The following NAP1L1 variants were observed in gnomAD, a reference collection of about 807,000 sequenced individuals.
NAP1L1 encodes the protein nucleosome assembly protein 1-like 1.
Under a neutral mutation model 58.9 loss-of-function variants are expected in NAP1L1, and 9 were observed. The observed-to-expected ratio is 0.15, with a 90% CI of 0.09 to 0.27. The LOEUF is 0.27. Among genes scored for constraint, NAP1L1 ranks in the 10% least tolerant of loss-of-function variants. The pLI is 1.00. For missense variants in NAP1L1, 302 were observed against 458.8 expected, an observed-to-expected ratio of 0.66 and a Z score of 3.12; for synonymous variants, 130 against 138.3, an observed-to-expected ratio of 0.94 and a Z score of 0.42.
chr12:76,057,098 T>C (rs1399363821), intron 6 of NAP1L1: 1 of 186,458 alleles, frequency 5.4e-6, no homozygotes, highest in Non-Finnish European at 1.1e-5. Context: ...GCCAGGAGTC[T>C]AAGACCAGCC....
chr12:76,078,600 G>A (rs1473122877), intron 1 of NAP1L1, among the ~76,000 whole-genome samples: 1 of 152,180 alleles, frequency 6.6e-6, no homozygotes, highest in Middle Eastern at 3.2e-3. Flanking sequence ...TGTCTGCAAG[G>A]AAGTCATCTA....
chr12:76,048,677 G>A (rs1206239789), intron 14 of NAP1L1, among the ~76,000 whole-genome samples: 4 of 152,008 alleles, frequency 2.6e-5, no homozygotes, highest in Non-Finnish European at 5.9e-5. Flanking sequence ...TCCATAAAAT[G>A]TGACACACGC....
At chr12:76,076,590 A>ATATC (rs1555186512) in intron 1 of NAP1L1, among the ~76,000 whole-genome samples, 8 of 137,978 alleles carry the variant, frequency 5.8e-5, no homozygotes, top group African/African-American at 2.3e-4. Flanking sequence ...ATATATATAT[A>ATATC]TATCTCCACT....
intron 5 of NAP1L1, 52 bp from the exon 6 acceptor site, chr12:76,059,930 A>G (rs369584252): frequency 2.8e-6 from 4 of 1,404,914 alleles, no homozygotes; most frequent in Non-Finnish European, 3.9e-6. Context: ...CATCCAAGCT[A>G]AAACCAGTGG....
Position 76,039,226 on chromosome 12 carries a change from G to A in NAP1L1, c.*9203C>T, listed in dbSNP as rs946356493. 1.3e-5 allele frequency: 2 copies of A among 152,166 alleles called. No individual in the cohort carries two copies. The highest frequency in any genetic ancestry group is 4.8e-5 in the African/African-American group (2 of 41,438). The allele number at this position is 152,166 out of a possible 1,614,324, so 9.4% of individuals were successfully genotyped here. Reference sequence around the variant, plus strand: ...TATTTACTATCCTACTTTTAGCACTGTGAGCATAAACCATAGGTTCTTCTT... The same window carrying A: ...TATTTACTATCCTACTTTTAGCACTATGAGCATAAACCATAGGTTCTTCTT... On this transcript the variant is annotated 3_prime_UTR_variant, in exon 15 of 15. Transcript: ENST00000618691.
intron 8 of NAP1L1, 107 bp downstream of exon 8, chr12:76,054,912 A>AT (rs1555181341): frequency 1.5e-6 from 1 of 667,436 alleles, no homozygotes; most frequent in Non-Finnish European, 2.4e-6. Flanking sequence ...TTTATTCACT[A>AT]TAACAAAGAG....
chr12:76,059,358 T>C (rs1480743892), intron 6 of NAP1L1, among the ~76,000 whole-genome samples: 3 of 152,246 alleles, frequency 2.0e-5, no homozygotes, highest in African/African-American at 7.2e-5. Context: ...GTTCTTATTC[T>C]GGATATAAAT....
At position 76,038,378 on chromosome 12, in the gene NAP1L1, CCT is replaced by C. The variant is rs1474093627; in HGVS notation, c.*10049_*10050del. ...AGGAACTAAATTCCAAGGATATTTCCCTCTTTTGCTGTCATTTTTCCATTGCC... is the reference window on the plus strand; with the variant it reads ...AGGAACTAAATTCCAAGGATATTTCCCTTTTGCTGTCATTTTTCCATTGCC... On this transcript the variant is annotated 3_prime_UTR_variant, in exon 15 of 15. Coordinates refer to ENST00000618691, the MANE Select transcript of NAP1L1 (RefSeq NM_004537.7). 6.6e-6 allele frequency: 1 copy of C among 152,110 alleles called. No individual in the cohort carries two copies. Among genetic ancestry groups the C allele is most frequent in the Non-Finnish European group, 1.5e-5 (1 of 68,022 alleles). The allele number at this position is 152,110 out of a possible 1,614,324, so 9.4% of individuals were successfully genotyped here. A position where few individuals can be genotyped will look rare whatever the true frequency, so the allele number is the denominator to read the frequency against.
Position 76,042,592 on chromosome 12 carries a change from T to C in NAP1L1, c.*5837A>G, listed in dbSNP as rs1177517159. The C allele has an allele frequency of 1.3e-5, 2 of 152,358 alleles. No individual in the cohort carries two copies. The highest frequency in any genetic ancestry group is 3.4e-3 in the Middle Eastern group (1 of 294). The allele number at this position is 152,358 out of a possible 1,614,324, so 9.4% of individuals were successfully genotyped here. The stretch of plus-strand genomic sequence containing the variant: ...AGTTGGATCAACTGATTCCACTTAT[T>C]TGAAAATAATTACAAATACGGACGG... On this transcript the variant is annotated 3_prime_UTR_variant, in exon 15 of 15. Coordinates refer to ENST00000618691, the MANE Select transcript of NAP1L1 (RefSeq NM_004537.7).
At chr12:76,080,706 A>G (rs1864171170) in intron 1 of NAP1L1, among the ~76,000 whole-genome samples, 2 of 152,154 alleles carry the variant, frequency 1.3e-5, no homozygotes, top group African/African-American at 4.8e-5. Context: ...GTGGGATACA[A>G]GGTGGAGTGC....
chr12:76,062,991 T>C (rs1949487920), intron 4 of NAP1L1, among the ~76,000 whole-genome samples: 1 of 152,074 alleles, frequency 6.6e-6, no homozygotes, highest in Non-Finnish European at 1.5e-5. Context: ...AAAAAATAAA[T>C]TGTAGTTTTT....
intron 6 of NAP1L1, chr12:76,057,313 T>C (rs977623464): frequency 1.5e-5 from 5 of 323,794 alleles, no homozygotes; most frequent in Non-Finnish European, 3.0e-5. Flanking sequence ...CTATAAAATG[T>C]AAGGAAATAA....
Position 76,045,284 on chromosome 12 carries a change from T to TA in NAP1L1, c.*3144dup, listed in dbSNP as rs1158105789. On this transcript the variant is annotated 3_prime_UTR_variant, in exon 15 of 15. Transcript: ENST00000618691. ...CTTAAATTTTTGTAAGACTAACCCATAAAAAAGGACTCCAATTTTAAACCA... is the reference window on the plus strand; with the variant it reads ...CTTAAATTTTTGTAAGACTAACCCATAAAAAAAGGACTCCAATTTTAAACCA... The TA allele has an allele frequency of 1.3e-5, 2 of 152,066 alleles. No homozygotes were observed. The highest frequency in any genetic ancestry group is 2.4e-5 in the African/African-American group (1 of 41,430). 9.4% of individuals were successfully genotyped at this position (152,066 alleles called of 1,614,324 possible).
In NAP1L1 at chr12:76,068,901, A is replaced by AG. The variant is rs752681221; in HGVS notation, c.103+7dup. On this transcript the variant is annotated splice_region_variant and intron_variant, in intron 3 of 14. Coordinates refer to ENST00000618691, the MANE Select transcript of NAP1L1 (RefSeq NM_004537.7). ...ATCACTGGCTCCTGAAGTAATTTAA[A>AG]GTAATACCTTTGAGTTTTGTTTCTT... 3.1e-6 allele frequency: 5 copies of AG among 1,595,694 alleles called. No homozygotes were observed. In the Admixed American group the frequency reaches 6.7e-5, roughly 21 times the overall value.
rs546317282 is a variant in NAP1L1, at chr12:76,044,357, G to A, written c.*4072C>T. On this transcript the variant is annotated 3_prime_UTR_variant, in exon 15 of 15. Transcript: ENST00000618691. The stretch of plus-strand genomic sequence containing the variant: ...AGAAACTAAAAAGCAATGCTTTTAT[G>A]TAATATTTTATCCTGGGTTTCAAAA... 5 of 152,166 alleles carry A rather than the reference G, an allele frequency of 3.3e-5. No individual in the cohort carries two copies. The highest frequency in any genetic ancestry group is 7.4e-5 in the Non-Finnish European group (5 of 68,018). The allele number at this position is 152,166 out of a possible 1,614,324, so 9.4% of individuals were successfully genotyped here.
chr12:76,084,038 C>G (rs915497809), intron 1 of NAP1L1: 1 of 152,192 alleles, frequency 6.6e-6, no homozygotes, highest in South Asian at 2.1e-4. Flanking sequence ...CCCTCCCCGC[C>G]TCGGGGACTC....
chr12:76,057,557 A>G, intron 6 of NAP1L1: 1 of 873,794 alleles, frequency 1.1e-6, no homozygotes, highest in Non-Finnish European at 1.9e-6. Flanking sequence ...GACGTTTCCG[A>G]TTCCAATAGG....
intron 2 of NAP1L1, among the ~76,000 whole-genome samples, chr12:76,073,301 TC>T (rs1430240869): frequency 6.6e-6 from 1 of 152,072 alleles, no homozygotes; most frequent in Non-Finnish European, 1.5e-5. Context: ...TAATTTAGCA[TC>T]CCCTCACTCC....
intron 4 of NAP1L1, among the ~76,000 whole-genome samples, chr12:76,061,390 C>T (rs1467104125): frequency 1.3e-5 from 2 of 152,152 alleles, no homozygotes; most frequent in Non-Finnish European, 2.9e-5. Flanking sequence ...ATTTGGTTCT[C>T]TGTTCATGTG....
Sources: allele counts gnomAD v4.1 joint callset (sites outside exome capture counted in the v4.1 genomes callset), GRCh38; gene constraint gnomAD v4.1.1; transcripts MANE v1.5; gene names NCBI Gene and HGNC (gene_info 2026-07-23, HGNC 2026-07-21).